FGD5: variants seen among roughly 807,000 people sequenced by gnomAD.
FGD5 encodes the protein FYVE, RhoGEF and PH domain-containing protein 5.
FGD5 carries 28 observed loss-of-function variants against 133.4 expected under a neutral mutation model. The ratio of observed to expected loss-of-function variants is 0.21; its 90% CI spans 0.16 to 0.29. The LOEUF is 0.29. FGD5 is among the 10% of genes least tolerant of loss of function. The pLI, the probability that FGD5 is intolerant of heterozygous loss-of-function variation, is 1.00. For synonymous variants in FGD5, 810 were observed against 776.5 expected (o/e 1.04, Z -0.72); for missense variants, 1,858 against 1,895.2 (o/e 0.98, Z 0.36).
At chr3:14,905,270 A>G (rs777555528) in intron 9 of FGD5, among the ~76,000 whole-genome samples, 20 of 152,002 alleles carry the variant, frequency 1.3e-4, no homozygotes, top group Non-Finnish European at 2.5e-4. Flanking sequence ...GTCTTTGTGT[A>G]ATGTGTCCCT....
chr3:14,928,658 T>G (rs2038854380), intron 18 of FGD5, among the ~76,000 whole-genome samples: 1 of 152,086 alleles, frequency 6.6e-6, no homozygotes, highest in Non-Finnish European at 1.5e-5. Context: ...GGCAGGAGAA[T>G]CGTTTGAACC....
intron 1 of FGD5, among the ~76,000 whole-genome samples, chr3:14,846,640 C>A (rs1233696099): frequency 6.6e-6 from 1 of 152,186 alleles, no homozygotes; most frequent in African/African-American, 2.4e-5. Flanking sequence ...AGCCACTGTC[C>A]AGGTCCTCTT....
At chr3:14,860,807 T>TC (rs1387255238) in intron 1 of FGD5, among the ~76,000 whole-genome samples, 9 of 136,488 alleles carry the variant, frequency 6.6e-5, no homozygotes, top group African/African-American at 1.9e-4. Flanking sequence ...GACCCCTTTT[T>TC]TAAAAAAAAA....
At chr3:14,823,729 G>A (rs1270429345) in intron 1 of FGD5, among the ~76,000 whole-genome samples, 2 of 152,226 alleles carry the variant, frequency 1.3e-5, no homozygotes, top group Admixed American at 1.3e-4. Flanking sequence ...TGCAGGCTGC[G>A]CATTGTACAA....
In FGD5 at chr3:14,923,135, G is replaced by T; in HGVS notation, c.3897G>T (p.Glu1299Asp). 1 of 1,613,788 alleles carries T rather than the reference G, an allele frequency of 6.2e-7. No individual in the cohort carries two copies. Among genetic ancestry groups the T allele is most frequent in the Middle Eastern group, 1.7e-4 (1 of 6,060 alleles). Residue 1299 changes from glutamate (E) to aspartate (D), a missense_variant, in exon 16 of 20, where the codon GAG (glutamate) becomes GAT (aspartate). By Grantham distance (45) the Glu-to-Asp change is conservative. Transcript: ENST00000285046. ...AGGTCTGCGACGGCTGCTTCGGGGA[G>T]CTGAAGAAGCGGGGCAGGGCTGTCC... Reference protein sequence around the residue: ...MAKVCDGCFGELKKRGRAVPG... With the variant: ...MAKVCDGCFGDLKKRGRAVPG...
At chr3:14,926,238 GTGAAA>G in intron 18 of FGD5, 40 bp downstream of exon 18, 2 of 1,609,048 alleles carry the variant, frequency 1.2e-6, no homozygotes, top group Non-Finnish European at 1.7e-6. Flanking sequence ...CCTCTCTCCT[GTGAAA>G]TGACCCCCTG....
intron 1 of FGD5, among the ~76,000 whole-genome samples, chr3:14,813,273 G>A (rs986337723): frequency 2.0e-5 from 3 of 152,094 alleles, no homozygotes; most frequent in South Asian, 2.1e-4. Flanking sequence ...CAGAGCTGAC[G>A]TATAGCAGAG....
rs1015519590 is a variant in FGD5, at chr3:14,898,944, A to G, written c.3154+118A>G. 6 of 864,320 alleles carry G rather than the reference A, an allele frequency of 6.9e-6. No homozygotes were observed. The African/African-American group carries it at 8.4e-5, about 12-fold the overall frequency. 53.5% of individuals were successfully genotyped at this position (864,320 alleles called of 1,614,324 possible). A position where few individuals can be genotyped will look rare whatever the true frequency, so the allele number is the denominator to read the frequency against. On this transcript the variant is annotated intron_variant, in intron 7 of 19. Coordinates refer to ENST00000285046, the MANE Select transcript of FGD5 (RefSeq NM_152536.4). ...GACCATGTCAGGCAGGTGTTGGGGA[A>G]GGGTGACCTCTGCCATCACCTTTCC...
intron 8 of FGD5, 146 bp downstream of exon 8, chr3:14,900,599 C>G: frequency 1.1e-6 from 1 of 876,824 alleles, no homozygotes. Flanking sequence ...ACATCTTGGA[C>G]TTCTGTGAGA....
chr3:14,890,986 C>G (rs959649295), intron 4 of FGD5, among the ~76,000 whole-genome samples: 1 of 152,176 alleles, frequency 6.6e-6, no homozygotes, highest in Non-Finnish European at 1.5e-5. Context: ...CCCAGTCGTC[C>G]AATACCCTAT....
rs1287844146 is a variant in FGD5, at chr3:14,910,873, G to A, written c.3349G>A (p.Glu1117Lys). 1.9e-6 allele frequency: 3 copies of A among 1,613,340 alleles called. No individual in the cohort carries two copies. The highest frequency in any genetic ancestry group is 2.2e-5 in the East Asian group (1 of 44,878). Residue 1117 changes from glutamate (E) to lysine (K), a missense_variant, in exon 11 of 20, where the codon GAA becomes AAA. Transcript: ENST00000285046. ...TCTCTCCCCACAGGAGTTTCTGAAG[G>A]AAGGGACGCTGATGAAAGTAACAGG... Reference protein sequence around the residue: ...LLQPGREFLKEGTLMKVTGKN... With the variant: ...LLQPGREFLKKGTLMKVTGKN...
At position 14,922,330 on chromosome 3, in the gene FGD5, C is replaced by T. The variant is rs1559507304; in HGVS notation, c.3670-81C>T. The T allele has an allele frequency of 1.3e-6, 2 of 1,528,420 alleles. No homozygotes were observed. Among genetic ancestry groups the T allele is most frequent in the East Asian group, 2.5e-5 (1 of 40,714 alleles). 94.7% of individuals were successfully genotyped at this position (1,528,420 alleles called of 1,614,324 possible). A position where few individuals can be genotyped will look rare whatever the true frequency, so the allele number is the denominator to read the frequency against. ...ACATCACACACCCTGCACAGAGACG[C>T]AGGGCAGGGCTCACTGGGCTCTGCA... is the stretch of plus-strand genomic sequence containing the variant. On this transcript the variant is annotated intron_variant, in intron 14 of 19. Coordinates refer to ENST00000285046, the MANE Select transcript of FGD5 (RefSeq NM_152536.4). This position sits in a 1 kb window ranked among gnomAD's most constrained non-coding sequence, Gnocchi z 4.1.
chr3:14,859,555 C>T (rs1052874770), intron 1 of FGD5, among the ~76,000 whole-genome samples: 2 of 148,898 alleles, frequency 1.3e-5, no homozygotes, highest in Admixed American at 1.4e-4. Flanking sequence ...GCGAGACCTC[C>T]CCCCAAAAAA....
intron 1 of FGD5, among the ~76,000 whole-genome samples, chr3:14,855,707 G>C (rs959371125): frequency 6.6e-6 from 1 of 151,460 alleles, no homozygotes; most frequent in African/African-American, 2.4e-5. Flanking sequence ...TAATCAGATT[G>C]GGTTTTTGTG....
chr3:14,890,170 C>T (rs1002439156), intron 4 of FGD5, among the ~76,000 whole-genome samples: 2 of 152,176 alleles, frequency 1.3e-5, no homozygotes, highest in African/African-American at 4.8e-5. Context: ...ACCTTTGCAC[C>T]TGGCATCCCT....
intron 4 of FGD5, among the ~76,000 whole-genome samples, chr3:14,882,700 A>G (rs1353440258): frequency 6.6e-6 from 1 of 150,706 alleles, no homozygotes; most frequent in African/African-American, 2.4e-5. Flanking sequence ...TCTGTCTGAA[A>G]AAAAAAAAAA....
chr3:14,823,249 C>T (rs1273688722), intron 1 of FGD5, among the ~76,000 whole-genome samples: 1 of 152,184 alleles, frequency 6.6e-6, no homozygotes, highest in Non-Finnish European at 1.5e-5. Flanking sequence ...AATAAACTCT[C>T]CGTGCTGGTC....
intron 1 of FGD5, among the ~76,000 whole-genome samples, chr3:14,855,133 G>A (rs973546537): frequency 1.5e-4 from 23 of 151,958 alleles, no homozygotes; most frequent in Non-Finnish European, 4.4e-5. Context: ...TCTGTTCCTC[G>A]CTTATTTCAC....
chr3:14,892,588 C>T (rs796358916), intron 4 of FGD5, among the ~76,000 whole-genome samples: 20 of 152,208 alleles, frequency 1.3e-4, no homozygotes, highest in African/African-American at 4.8e-4. Context: ...GAGGCCGAGG[C>T]GGGCAGATCA....
Sources: allele counts gnomAD v4.1 joint callset (sites outside exome capture counted in the v4.1 genomes callset), GRCh38; gene constraint gnomAD v4.1.1; non-coding constraint Gnocchi (gnomAD v3.1); transcripts MANE v1.5; gene names NCBI Gene and HGNC (gene_info 2026-07-23, HGNC 2026-07-21).